PTPRN2: variants seen among roughly 807,000 people sequenced by gnomAD.
PTPRN2 encodes the protein protein tyrosine phosphatase receptor type N2.
PTPRN2 carries 74 observed loss-of-function variants against 118.8 expected under a neutral mutation model. The observed-to-expected ratio is 0.62, with a 90% CI of 0.52 to 0.76. PTPRN2 has a LOEUF of 0.76. Among genes scored for constraint, PTPRN2 ranks in the 30% least tolerant of loss-of-function variants. The probability of loss-of-function intolerance (pLI) is 0.00; values close to 1 mark genes in which losing one functional copy is unlikely to be tolerated. For synonymous variants in PTPRN2, 641 were observed against 608.0 expected (o/e 1.05, Z -0.80); for missense variants, 1,481 against 1,394.4 (o/e 1.06, Z -0.99).
chr7:157,756,172 G>T (rs1332159554), intron 12 of PTPRN2, among the ~76,000 whole-genome samples: 1 of 152,184 alleles, frequency 6.6e-6, no homozygotes, highest in Admixed American at 6.5e-5. Context: ...TTTTTAAGTG[G>T]AATTATCTGG....
intron 6 of PTPRN2, among the ~76,000 whole-genome samples, chr7:158,153,240 T>G (rs1207993011): frequency 6.6e-6 from 1 of 152,202 alleles, no homozygotes; most frequent in African/African-American, 2.4e-5. Context: ...GAGCTACTTC[T>G]ACTCAAAACA....
At chr7:157,776,365 C>T (rs1177392883) in intron 12 of PTPRN2, among the ~76,000 whole-genome samples, 1 of 93,224 alleles carries the variant, frequency 1.1e-5, no homozygotes, top group Non-Finnish European at 2.2e-5. Context: ...TTCCTCCCTC[C>T]TCTCTCTTCT....
In PTPRN2 at chr7:158,144,181, C is replaced by T. The variant is rs577667064; in HGVS notation, c.911-5666G>A. On this transcript the variant is annotated intron_variant, in intron 6 of 22. Transcript: ENST00000389418. The stretch of plus-strand genomic sequence containing the variant: ...CTCAATAAAGAAGGTTAAATGTTCT[C>T]GAATTCGGCATTTCCAGTGAAAATG... Among the ~76,000 whole-genome samples the T allele has an allele frequency of 2.6e-5, 4 of 152,312 alleles. No individual in the cohort carries two copies. The South Asian group carries it at 8.3e-4, about 32-fold the overall frequency.
intron 2 of PTPRN2, among the ~76,000 whole-genome samples, chr7:158,479,677 A>T (rs1023629384): frequency 6.6e-6 from 1 of 152,266 alleles, no homozygotes; most frequent in Non-Finnish European, 1.5e-5. Context: ...TCTGTGAATC[A>T]CAAACCACTC....
intron 22 of PTPRN2, among the ~76,000 whole-genome samples, chr7:157,548,691 A>G (rs779388287): frequency 2.0e-5 from 3 of 152,156 alleles, no homozygotes; most frequent in Non-Finnish European, 4.4e-5. Flanking sequence ...TAGTGAATGG[A>G]AAGAGCCAGT....
intron 2 of PTPRN2, among the ~76,000 whole-genome samples, chr7:158,353,108 T>C (rs941537534): frequency 1.3e-5 from 2 of 152,236 alleles, no homozygotes; most frequent in Non-Finnish European, 2.9e-5. Flanking sequence ...GGACCCTTCA[T>C]TTTACAAATA....
At chr7:157,735,188 T>G (rs1232596862) in intron 12 of PTPRN2, among the ~76,000 whole-genome samples, 1 of 152,264 alleles carries the variant, frequency 6.6e-6, no homozygotes, top group Admixed American at 6.5e-5. Flanking sequence ...TCCGTGTTCA[T>G]GTGCACAGCC....
At chr7:158,470,168 C>T (rs573948023) in intron 2 of PTPRN2, among the ~76,000 whole-genome samples, 1 of 152,220 alleles carries the variant, frequency 6.6e-6, no homozygotes, top group East Asian at 1.9e-4. Flanking sequence ...AGTTTATAAG[C>T]AAATATGGTT....
intron 11 of PTPRN2, among the ~76,000 whole-genome samples, chr7:157,932,107 A>G (rs1333082904): frequency 6.6e-6 from 1 of 152,174 alleles, no homozygotes; most frequent in Non-Finnish European, 1.5e-5. Flanking sequence ...TTTGTGCTTT[A>G]TTATTCTGAA....
intron 9 of PTPRN2, among the ~76,000 whole-genome samples, chr7:158,118,695 A>G (rs551057981): frequency 2.0e-5 from 3 of 152,208 alleles, no homozygotes; most frequent in Non-Finnish European, 4.4e-5. Flanking sequence ...CATAAACATG[A>G]CAGTCTTTGT....
At chr7:158,100,552 C>T (rs1276789490) in intron 10 of PTPRN2, among the ~76,000 whole-genome samples, 1 of 152,218 alleles carries the variant, frequency 6.6e-6, no homozygotes, top group Non-Finnish European at 1.5e-5. Context: ...ACCACATCCA[C>T]ACCAGCATCT....
intron 1 of PTPRN2, among the ~76,000 whole-genome samples, chr7:158,511,425 C>T (rs73729662): frequency 0.016 from 2,451 of 152,284 alleles, 77 homozygotes; most frequent in African/African-American, 0.056. Flanking sequence ...GGAGAACCCA[C>T]GGCTCACAGA....
chr7:157,580,796 C>T (rs1269121141), intron 17 of PTPRN2, among the ~76,000 whole-genome samples: 12 of 119,410 alleles, frequency 1.0e-4, no homozygotes, highest in African/African-American at 9.6e-5. Flanking sequence ...CCCTGCACAC[C>T]CCAGCACCTG....
At chr7:158,152,534 C>T (rs58816592) in intron 6 of PTPRN2, among the ~76,000 whole-genome samples, 1 of 152,186 alleles carries the variant, frequency 6.6e-6, no homozygotes, top group Non-Finnish European at 1.5e-5. Flanking sequence ...AGAGCTGGTC[C>T]CTTTAAATGA....
chr7:157,760,489 A>C (rs1267630201), intron 12 of PTPRN2, among the ~76,000 whole-genome samples: 1 of 151,934 alleles, frequency 6.6e-6, no homozygotes, highest in African/African-American at 2.4e-5. Flanking sequence ...TGCTCCACAG[A>C]AGTGCGAAGG....
intron 1 of PTPRN2, among the ~76,000 whole-genome samples, chr7:158,500,683 C>T (rs530799918): frequency 5.9e-5 from 9 of 152,384 alleles, no homozygotes; most frequent in Non-Finnish European, 7.3e-5. Flanking sequence ...AACGTCCACC[C>T]GCTGCCTCTC....
chr7:157,917,886 A>G (rs756894147), intron 11 of PTPRN2, among the ~76,000 whole-genome samples: 1 of 152,144 alleles, frequency 6.6e-6, no homozygotes, highest in Admixed American at 6.5e-5. Context: ...GGCTGGGATA[A>G]TAAGATTTTC....
chr7:157,826,837 G>A (rs1807206123), intron 12 of PTPRN2, among the ~76,000 whole-genome samples: 1 of 152,146 alleles, frequency 6.6e-6, no homozygotes, highest in Non-Finnish European at 1.5e-5. Flanking sequence ...AGGTCATGGG[G>A]CAATGGGGAG....
chr7:158,070,878 A>G (rs116319804), intron 11 of PTPRN2, among the ~76,000 whole-genome samples: 8,847 of 64,522 alleles, frequency 0.14, 982 homozygotes, highest in African/African-American at 0.25. Flanking sequence ...GGTGGTGCCC[A>G]TGGTGGTGGA....
Sources: allele counts gnomAD v4.1 joint callset (sites outside exome capture counted in the v4.1 genomes callset), GRCh38; gene constraint gnomAD v4.1.1; transcripts MANE v1.5; gene names NCBI Gene and HGNC (gene_info 2026-07-23, HGNC 2026-07-21).